Variants in NFIB observed in about 807,000 individuals in gnomAD.
NFIB encodes nuclear factor I B.
Under a neutral mutation model 61.5 loss-of-function variants are expected in NFIB, and 11 were observed. The ratio of observed to expected loss-of-function variants is 0.18; its 90% confidence interval spans 0.11 to 0.30. NFIB has a LOEUF of 0.30. NFIB is among the 10% of genes least tolerant of loss of function. The pLI, the probability that NFIB is intolerant of heterozygous loss-of-function variation, is 1.00. For synonymous variants in NFIB, 260 were observed against 216.5 expected (o/e 1.20, Z -1.76); for missense variants, 471 against 608.9 (o/e 0.77, Z 2.38).
chr9:14,099,315 C>G (rs151140257), intron 10 of NFIB, among the ~76,000 whole-genome samples: 2 of 152,142 alleles, frequency 1.3e-5, no homozygotes, highest in Non-Finnish European at 2.9e-5. Flanking sequence ...GATGAACAGA[C>G]CTATATTTCT....
chr9:14,429,609 C>T, the NFIB span, among the ~76,000 whole-genome samples: 1 of 152,206 alleles, frequency 6.6e-6, no homozygotes, highest in East Asian at 1.9e-4. Context: ...CCTTCATCAT[C>T]CCTCAATTCT....
At chr9:14,253,529 T>C (rs1288820332) in intron 2 of NFIB, among the ~76,000 whole-genome samples, 2 of 152,128 alleles carry the variant, frequency 1.3e-5, no homozygotes, top group Admixed American at 1.3e-4. Context: ...GAAGAAATAA[T>C]GCACAAATAA....
intron 10 of NFIB, among the ~76,000 whole-genome samples, chr9:14,101,662 T>C (rs2035805598): frequency 6.6e-6 from 1 of 152,228 alleles, no homozygotes; most frequent in Non-Finnish European, 1.5e-5. Flanking sequence ...ATTTGTCAAT[T>C]TGACACAATT....
intron 1 of NFIB, among the ~76,000 whole-genome samples, chr9:14,381,158 A>C (rs1431171937): frequency 6.6e-6 from 1 of 150,914 alleles, no homozygotes; most frequent in African/African-American, 2.4e-5. Context: ...GTACACCATC[A>C]TGGATGCAAA....
intron 2 of NFIB, among the ~76,000 whole-genome samples, chr9:14,213,030 C>A (rs949966851): frequency 1.3e-5 from 2 of 152,182 alleles, no homozygotes; most frequent in Admixed American, 6.5e-5. Flanking sequence ...GTGATAAAAT[C>A]AAAAATTATA....
intron 3 of NFIB, among the ~76,000 whole-genome samples, chr9:14,178,880 G>C (rs1388643132): frequency 6.6e-6 from 1 of 152,022 alleles, no homozygotes; most frequent in African/African-American, 2.4e-5. Flanking sequence ...AAACTTTCTG[G>C]TTTATTTTCA....
At chr9:14,187,637 A>C (rs2047527038) in intron 2 of NFIB, among the ~76,000 whole-genome samples, 1 of 152,170 alleles carries the variant, frequency 6.6e-6, no homozygotes. Flanking sequence ...TTAAAGAGCC[A>C]CTTTTTTGCT....
the NFIB span, among the ~76,000 whole-genome samples, chr9:14,415,722 A>G: frequency 1.9e-4 from 29 of 152,242 alleles, no homozygotes; most frequent in African/African-American, 6.5e-4. Context: ...CACTCTCTCC[A>G]TATGGACTGT....
chr9:14,328,555 A>G (rs1270631624), intron 1 of NFIB, among the ~76,000 whole-genome samples: 1 of 152,098 alleles, frequency 6.6e-6, no homozygotes, highest in Non-Finnish European at 1.5e-5. Flanking sequence ...ACAAGATAAA[A>G]AAGATATCCA....
At chr9:14,121,428 C>T (rs2038919966) in intron 7 of NFIB, among the ~76,000 whole-genome samples, 1 of 152,170 alleles carries the variant, frequency 6.6e-6, no homozygotes, top group African/African-American at 2.4e-5. Context: ...AATTCAATTT[C>T]AAATAAAACG....
intron 3 of NFIB, among the ~76,000 whole-genome samples, chr9:14,171,081 G>A (rs572894962): frequency 2.0e-5 from 3 of 152,286 alleles, no homozygotes; most frequent in East Asian, 1.9e-4. Flanking sequence ...GGAGAGTACT[G>A]TGTTGAAATT....
chr9:14,400,340 T>C (rs2133052473), upstream of NFIB, among the ~76,000 whole-genome samples: 1 of 152,346 alleles, frequency 6.6e-6, no homozygotes, highest in East Asian at 1.9e-4. Context: ...CTTGCAAGCC[T>C]AAGCCTCTTC....
At chr9:14,518,364 G>A in the NFIB span, among the ~76,000 whole-genome samples, 1 of 152,096 alleles carries the variant, frequency 6.6e-6, no homozygotes, top group Non-Finnish European at 1.5e-5. Context: ...TTCTTTTCCT[G>A]CCTTCTGTAC....
At chr9:14,328,254 C>T (rs2060778661) in intron 1 of NFIB, among the ~76,000 whole-genome samples, 1 of 152,146 alleles carries the variant, frequency 6.6e-6, no homozygotes, top group Non-Finnish European at 1.5e-5. Flanking sequence ...AGGGATCCTC[C>T]CACCTCAGCC....
the NFIB span, among the ~76,000 whole-genome samples, chr9:14,476,777 T>C: frequency 4.6e-5 from 7 of 152,170 alleles, no homozygotes; most frequent in African/African-American, 1.7e-4. Flanking sequence ...GTGAGATAGG[T>C]GCCCACAATC....
chr9:14,507,481 C>T, the NFIB span, among the ~76,000 whole-genome samples: 1 of 152,078 alleles, frequency 6.6e-6, no homozygotes, highest in African/African-American at 2.4e-5. Context: ...TAACATTTTT[C>T]TTTGTTCAAG....
At chr9:14,402,878 T>C (rs2061755968), upstream of NFIB, among the ~76,000 whole-genome samples, 1 of 152,194 alleles carries the variant, frequency 6.6e-6, no homozygotes, top group South Asian at 2.1e-4. Context: ...TAATAATTTT[T>C]TAAAGCAATT....
At position 14,177,412 on chromosome 9, in the gene NFIB, C is replaced by T. The variant is rs543244166; in HGVS notation, c.616+2315G>A. On this transcript the variant is annotated intron_variant, in intron 3 of 10. Transcript: ENST00000380953. The stretch of plus-strand genomic sequence containing the variant: ...TTTATATTCTAGGTTTAATTTATTT[C>T]GAAGTATTACAAAACAAACTCTTAA... 1.1e-4 allele frequency among the ~76,000 whole-genome samples: 17 copies of T among 152,090 alleles called. No individual in the cohort carries two copies. In the South Asian group the frequency reaches 1.2e-3, roughly 11 times the overall value.
chr9:14,375,108 T>C (rs891283240), intron 1 of NFIB, among the ~76,000 whole-genome samples: 1 of 152,184 alleles, frequency 6.6e-6, no homozygotes, highest in Non-Finnish European at 1.5e-5. Flanking sequence ...GAGACCAGAC[T>C]TCAATGTCTT....
Sources: allele counts gnomAD v4.1 joint callset (sites outside exome capture counted in the v4.1 genomes callset), GRCh38; gene constraint gnomAD v4.1.1; transcripts MANE v1.5; gene names NCBI Gene and HGNC (gene_info 2026-07-23, HGNC 2026-07-21).